The following ATXN1 variants were observed in gnomAD, a reference collection of about 807,000 sequenced individuals.
ATXN1 encodes ataxin-1.
In ATXN1, 8 loss-of-function variants were observed where a neutral mutation model predicts 56.4. The ratio of observed to expected loss-of-function variants is 0.14; its 90% CI spans 0.08 to 0.26. The LOEUF (loss-of-function observed/expected upper bound fraction) is 0.26, where lower values mean the gene tolerates loss of function less well. ATXN1 is among the 10% of genes least tolerant of loss of function. ATXN1 has a pLI of 1.00. For synonymous variants in ATXN1, 514 were observed against 494.6 expected, an observed-to-expected ratio of 1.04 and a Z score of -0.52; for missense variants, 987 against 1,106.5, an observed-to-expected ratio of 0.89 and a Z score of 1.53.
At chr6:16,464,025 C>A (rs1024617443) in intron 6 of ATXN1, among the ~76,000 whole-genome samples, 115 of 152,168 alleles carry the variant, frequency 7.6e-4, no homozygotes, top group African/African-American at 2.7e-3. Context: ...CCCTTCTTCA[C>A]CCCTATCCAG....
intron 3 of ATXN1, among the ~76,000 whole-genome samples, chr6:16,608,725 G>A (rs72825552): frequency 0.052 from 7,910 of 152,238 alleles, 263 homozygotes; most frequent in African/African-American, 0.083. Context: ...ACCATGCAGC[G>A]TGATACTCCT....
chr6:16,632,900 G>C (rs1444577743), intron 3 of ATXN1, among the ~76,000 whole-genome samples: 1 of 151,682 alleles, frequency 6.6e-6, no homozygotes, highest in Non-Finnish European at 1.5e-5. Context: ...GGGAGGCTGA[G>C]ACAGGAGAAT....
Position 16,306,233 on chromosome 6 carries a change from G to C in ATXN1, c.*96C>G. 1 of 1,399,028 alleles carries C rather than the reference G, an allele frequency of 7.1e-7. No homozygotes were observed. Among genetic ancestry groups the C allele is most frequent in the Non-Finnish European group, 9.6e-7 (1 of 1,040,824 alleles). The allele number at this position is 1,399,028 out of a possible 1,614,324, so 86.7% of individuals were successfully genotyped here. ...TAGAACAGAAACCTAAAATTAAGAA[G>C]ATAACATGTAAATACTGTGTTATTT... On this transcript the variant is annotated 3_prime_UTR_variant, in exon 8 of 8. Coordinates refer to ENST00000436367, the MANE Select transcript of ATXN1 (RefSeq NM_001128164.2). This position sits in a 1 kb window ranked among gnomAD's most constrained non-coding sequence, Gnocchi z 5.2.
chr6:16,555,617 G>A (rs1432457043), intron 4 of ATXN1, among the ~76,000 whole-genome samples: 1 of 152,182 alleles, frequency 6.6e-6, no homozygotes, highest in Non-Finnish European at 1.5e-5. Flanking sequence ...CTGCAGGCCA[G>A]GGGTGTGTGT....
At chr6:16,523,053 T>C (rs556515522) in intron 4 of ATXN1, among the ~76,000 whole-genome samples, 1 of 152,190 alleles carries the variant, frequency 6.6e-6, no homozygotes, top group South Asian at 2.1e-4. Context: ...GAAGAAGTCT[T>C]TTTTTGTATT....
At chr6:16,527,840 A>C (rs1019614115) in intron 4 of ATXN1, among the ~76,000 whole-genome samples, 1 of 152,188 alleles carries the variant, frequency 6.6e-6, no homozygotes, top group Admixed American at 6.5e-5. Context: ...ATCTCTTTTC[A>C]TAGTACAATT....
At chr6:16,411,142 A>G (rs972442834) in intron 6 of ATXN1, among the ~76,000 whole-genome samples, 7 of 150,236 alleles carry the variant, frequency 4.7e-5, no homozygotes, top group African/African-American at 7.3e-5. Flanking sequence ...AAAAAAAAAA[A>G]AAAGAAAAGA....
intron 6 of ATXN1, among the ~76,000 whole-genome samples, chr6:16,478,826 A>T (rs1384458436): frequency 6.6e-6 from 1 of 152,202 alleles, no homozygotes; most frequent in Non-Finnish European, 1.5e-5. Flanking sequence ...CCATTTTATC[A>T]AGAGCATTTT....
intron 3 of ATXN1, among the ~76,000 whole-genome samples, chr6:16,630,901 C>T (rs1763492247): frequency 6.6e-6 from 1 of 152,056 alleles, no homozygotes; most frequent in South Asian, 2.1e-4. Flanking sequence ...ATGTGTCTGC[C>T]AGAAATGTAC....
At chr6:16,362,561 G>C (rs1322948382) in intron 6 of ATXN1, among the ~76,000 whole-genome samples, 1 of 152,138 alleles carries the variant, frequency 6.6e-6, no homozygotes, top group East Asian at 1.9e-4. Flanking sequence ...AAAGAAAGGA[G>C]ACACCTTACC....
intron 4 of ATXN1, among the ~76,000 whole-genome samples, chr6:16,563,358 G>A (rs987618578): frequency 3.9e-5 from 6 of 152,172 alleles, no homozygotes; most frequent in Non-Finnish European, 5.9e-5. Flanking sequence ...CAGCTGTGCA[G>A]GTGATGGGGA....
intron 6 of ATXN1, among the ~76,000 whole-genome samples, chr6:16,412,580 C>A (rs554068660): frequency 2.0e-5 from 3 of 152,310 alleles, no homozygotes; most frequent in Admixed American, 2.0e-4. Flanking sequence ...CAGGCTCCCC[C>A]ACTTCAATGG....
intron 6 of ATXN1, among the ~76,000 whole-genome samples, chr6:16,354,132 G>T (rs1439177455): frequency 6.6e-6 from 1 of 152,168 alleles, no homozygotes; most frequent in African/African-American, 2.4e-5. Context: ...ATTTCAATGT[G>T]CAGCCATGGT....
intron 4 of ATXN1, among the ~76,000 whole-genome samples, chr6:16,565,080 A>T (rs1376561048): frequency 2.0e-5 from 3 of 152,188 alleles, no homozygotes; most frequent in Non-Finnish European, 4.4e-5. Flanking sequence ...CTGCTTCTTT[A>T]AATCTTAGCT....
intron 4 of ATXN1, among the ~76,000 whole-genome samples, chr6:16,531,435 C>T (rs2113706583): frequency 6.6e-6 from 1 of 152,234 alleles, no homozygotes; most frequent in South Asian, 2.1e-4. Flanking sequence ...CCAGCCTGGC[C>T]AACATGGCGA....
chr6:16,557,971 C>G (rs1349820742), intron 4 of ATXN1, among the ~76,000 whole-genome samples: 2 of 152,036 alleles, frequency 1.3e-5, no homozygotes, highest in Non-Finnish European at 2.9e-5. Flanking sequence ...ACAGGCAAAT[C>G]CATAGAGATA....
At chr6:16,756,141 ATATAAT>A (rs1304652596) in intron 1 of ATXN1, among the ~76,000 whole-genome samples, 5 of 152,194 alleles carry the variant, frequency 3.3e-5, no homozygotes, top group Admixed American at 6.5e-5. Context: ...ATATCCATAA[ATATAAT>A]TATAAAAGAA....
intron 3 of ATXN1, among the ~76,000 whole-genome samples, chr6:16,637,265 A>G (rs1763615726): frequency 6.8e-6 from 1 of 148,004 alleles, no homozygotes; most frequent in Non-Finnish European, 1.5e-5. Context: ...CAAACACCGC[A>G]TGTTCTCACT....
chr6:16,374,408 C>T lies in ATXN1; in HGVS notation c.-160-45938G>A, dbSNP rs73724843. Among the ~76,000 whole-genome samples, 1,190 of 152,282 alleles carry T rather than the reference C, an allele frequency of 7.8e-3. 16 individuals carry two copies. The highest frequency in any genetic ancestry group is 0.027 in the African/African-American group (1,125 of 41,544). On this transcript the variant is annotated intron_variant, in intron 6 of 7. Transcript: ENST00000436367. Reference sequence around the variant, plus strand: ...TGATTAACCTGAAAATGGTTTAGCACAACACTAATCCTTTAATTTAACAAC... The same window carrying T: ...TGATTAACCTGAAAATGGTTTAGCATAACACTAATCCTTTAATTTAACAAC...
Sources: gnomAD v4.1 joint callset for allele counts (sites outside exome capture counted in the v4.1 genomes callset) on GRCh38, gnomAD v4.1.1 for gene constraint, Gnocchi (gnomAD v3.1) non-coding constraint, MANE v1.5 for transcripts, NCBI Gene and HGNC (gene_info 2026-07-23, HGNC 2026-07-21) for gene names.